The following EXO1 variants were observed in gnomAD, a reference collection of about 807,000 sequenced individuals.
EXO1 encodes the protein exonuclease 1.
EXO1 carries 69 observed loss-of-function variants against 84.5 expected under a neutral mutation model. The ratio of observed to expected loss-of-function variants is 0.82; its 90% confidence interval spans 0.67 to 1.00. The LOEUF (loss-of-function observed/expected upper bound fraction) is 1.00, where lower values mean the gene tolerates loss of function less well. EXO1 is among the 50% of genes least tolerant of loss of function. The probability of loss-of-function intolerance (pLI) is 0.00; values close to 1 mark genes in which losing one functional copy is unlikely to be tolerated. For synonymous variants in EXO1, 373 were observed against 366.1 expected (o/e 1.02, Z -0.21); for missense variants, 1,045 against 1,000.7 (o/e 1.04, Z -0.60).
At chr1:241,865,241 T>G (rs1159689904) in intron 10 of EXO1, among the ~76,000 whole-genome samples, 1 of 149,272 alleles carries the variant, frequency 6.7e-6, no homozygotes, top group African/African-American at 2.5e-5. Context: ...GAACAGAATC[T>G]CTCTCTCTTG....
At chr1:241,868,054 A>C (rs1167780801) in intron 11 of EXO1, among the ~76,000 whole-genome samples, 1 of 151,998 alleles carries the variant, frequency 6.6e-6, no homozygotes, top group African/African-American at 2.4e-5. Flanking sequence ...CAGGCTTGGC[A>C]ACACACTGAG....
rs10641736 is a variant in EXO1, at chr1:241,850,836, C to CTTT, written c.161+271_161+273dup. ...AAAGACTATTAATATCTCCTTTATT[C>CTTT]TTTTTTTTTTTTTTTTTTTTTTTAG... On this transcript the variant is annotated intron_variant, in intron 4 of 15. Coordinates refer to ENST00000366548, the MANE Select transcript of EXO1 (RefSeq NM_130398.4). Among the ~76,000 whole-genome samples the CTTT allele has an allele frequency of 5.7e-3, 604 of 105,074 alleles. 16 individuals carry two copies. The highest frequency in any genetic ancestry group is 0.022 in the East Asian group (68 of 3,154). The allele number at this position is 105,074 out of a possible 152,430, so 68.9% of individuals were successfully genotyped here. A position where few individuals can be genotyped will look rare whatever the true frequency, so the allele number is the denominator to read the frequency against.
chr1:241,879,338 T>C lies in EXO1; in HGVS notation c.2104T>C (p.Ser702Pro), dbSNP rs779087918. 1.1e-5 allele frequency: 17 copies of C among 1,577,360 alleles called. No homozygotes were observed. The highest frequency in any genetic ancestry group is 1.7e-5 in the Admixed American group (1 of 59,006). The stretch of plus-strand genomic sequence containing the variant: ...TCAGTGCTCTAGTAAGGACTCTGAT[T>C]CAGAGGTAAGTCAAATCCTGAAGGC... ...LSQCSSKDSD[S>P]EESDCNIKLL... Residue 702 changes from serine to proline, a missense_variant, in exon 13 of 16, where the codon TCA becomes CCA. Ser to Pro is a moderately conservative substitution (Grantham distance 74). Transcript: ENST00000366548.
intron 11 of EXO1, among the ~76,000 whole-genome samples, chr1:241,869,183 G>A (rs961095626): frequency 6.6e-6 from 1 of 152,192 alleles, no homozygotes; most frequent in African/African-American, 2.4e-5. Flanking sequence ...AGTGTGTGAT[G>A]TAACAGTGTA....
intron 10 of EXO1, among the ~76,000 whole-genome samples, chr1:241,864,469 G>A (rs1387546238): frequency 6.6e-6 from 1 of 152,148 alleles, no homozygotes; most frequent in African/African-American, 2.4e-5. Context: ...ACTCTTTGTG[G>A]GTTTCAAAAG....
chr1:241,879,237 G>C lies in EXO1; in HGVS notation c.2003G>C (p.Arg668Pro), dbSNP rs547661777. 1 of 1,599,416 alleles carries C rather than the reference G, an allele frequency of 6.3e-7. No homozygotes were observed. The highest frequency in any genetic ancestry group is 8.5e-7 in the Non-Finnish European group (1 of 1,172,684). ...AGTGACGATGAGTCTCATCCCTTACGAGAAGAGGCATGTTCTTCACAGTCC... is the reference window on the plus strand; with the variant it reads ...AGTGACGATGAGTCTCATCCCTTACCAGAAGAGGCATGTTCTTCACAGTCC... ...ESSDDESHPL[R>P]EEACSSQSQE... is the part of the protein sequence containing the mutation. The change falls in exon 13 of 16, where the codon CGA becomes CCA. Residue 668 changes from arginine (R) to proline (P), a missense_variant. Coordinates refer to ENST00000366548, the MANE Select transcript of EXO1 (RefSeq NM_130398.4).
intron 15 of EXO1, among the ~76,000 whole-genome samples, chr1:241,886,657 A>C (rs1278531226): frequency 6.6e-6 from 1 of 152,198 alleles, no homozygotes; most frequent in African/African-American, 2.4e-5. Context: ...AAAGGCCCCA[A>C]AATACTTTGG....
chr1:241,876,410 C>T (rs1028432473), intron 12 of EXO1, among the ~76,000 whole-genome samples: 1 of 151,596 alleles, frequency 6.6e-6, no homozygotes, highest in Non-Finnish European at 1.5e-5. Context: ...AGTGAAACCC[C>T]GTCTCTACTA....
chr1:241,889,657 T>C lies in EXO1; in HGVS notation c.*57T>C. 1.3e-6 allele frequency: 2 copies of C among 1,555,432 alleles called. No individual in the cohort carries two copies. Among genetic ancestry groups the C allele is most frequent in the African/African-American group, 1.4e-5 (1 of 73,814 alleles). On this transcript the variant is annotated 3_prime_UTR_variant, in exon 16 of 16. Coordinates refer to ENST00000366548, the MANE Select transcript of EXO1 (RefSeq NM_130398.4). ...GAGAATCTGATCAATTTGAAGTCCC[T>C]GTTTGGGAATGAGGCACTTATCAGC...
chr1:241,871,918 T>TG (rs1041113789), intron 11 of EXO1, 114 bp from the exon 12 acceptor site: 21 of 730,906 alleles, frequency 2.9e-5, no homozygotes, highest in East Asian at 8.2e-5. Context: ...ATAGTTTTTT[T>TG]TTTTTTTTTT....
At chr1:241,871,949 C>G (rs1662120048) in intron 11 of EXO1, 83 bp from the exon 12 acceptor site, 2 of 803,726 alleles carry the variant, frequency 2.5e-6, no homozygotes, top group Non-Finnish European at 4.0e-6. Context: ...ATTTTTAGGA[C>G]AATGGGATAT....
intron 10 of EXO1, among the ~76,000 whole-genome samples, chr1:241,861,941 T>A (rs1432958034): frequency 1.2e-5 from 1 of 84,026 alleles, no homozygotes; most frequent in Admixed American, 1.3e-4. Context: ...CTGTTTTCTT[T>A]TATTTTTCTT....
intron 6 of EXO1, among the ~76,000 whole-genome samples, chr1:241,857,050 A>C (rs972968063): frequency 3.3e-5 from 5 of 152,202 alleles, no homozygotes; most frequent in African/African-American, 1.2e-4. Flanking sequence ...GTCTCCAAAA[A>C]ATAAAATGAT....
At chr1:241,852,505 C>T in intron 5 of EXO1, 94 bp downstream of exon 5, 17 of 1,179,214 alleles carry the variant, frequency 1.4e-5, no homozygotes, top group Non-Finnish European at 2.0e-5. Context: ...TTAAGCCAGG[C>T]TCAGTGGCTT....
chr1:241,852,465 GTAGTCTA>G, intron 5 of EXO1, 54 bp downstream of exon 5: 8 of 1,522,450 alleles, frequency 5.3e-6, no homozygotes, highest in Non-Finnish European at 5.4e-6. Flanking sequence ...GTCAGACACT[GTAGTCTA>G]TATGATACCA....
intron 12 of EXO1, among the ~76,000 whole-genome samples, chr1:241,874,095 G>A (rs1662262408): frequency 6.6e-6 from 1 of 152,154 alleles, no homozygotes; most frequent in African/African-American, 2.4e-5. Context: ...CTTCTTTAGA[G>A]GCGATAGAAA....
intron 15 of EXO1, among the ~76,000 whole-genome samples, chr1:241,886,645 T>C (rs1159676159): frequency 6.6e-6 from 1 of 152,204 alleles, no homozygotes; most frequent in Non-Finnish European, 1.5e-5. Flanking sequence ...TTAGAAATTA[T>C]TAAAGGCCCC....
chr1:241,871,894 T>A, intron 11 of EXO1, 138 bp from the exon 12 acceptor site: 1 of 643,296 alleles, frequency 1.6e-6, no homozygotes, highest in East Asian at 2.8e-5. Context: ...TCCTTATGTT[T>A]TCTTTTCTGA....
intron 11 of EXO1, among the ~76,000 whole-genome samples, chr1:241,869,040 A>T (rs540554800): frequency 1.3e-5 from 2 of 152,312 alleles, no homozygotes; most frequent in African/African-American, 4.8e-5. Flanking sequence ...GAATAAAGAC[A>T]ATCTTGCTTC....
Sources: allele counts gnomAD v4.1 joint callset (sites outside exome capture counted in the v4.1 genomes callset), GRCh38; gene constraint gnomAD v4.1.1; transcripts MANE v1.5; gene names NCBI Gene and HGNC (gene_info 2026-07-23, HGNC 2026-07-21).